The following ADGRG6 variants were observed in gnomAD, a reference collection of about 807,000 sequenced individuals.
ADGRG6 encodes the protein adhesion G protein-coupled receptor G6.
ADGRG6 carries 84 observed loss-of-function variants against 142.4 expected under a neutral mutation model. That is an observed-to-expected ratio of 0.59 (90% CI 0.49 to 0.71). The LOEUF (loss-of-function observed/expected upper bound fraction) is 0.71, where lower values mean the gene tolerates loss of function less well. ADGRG6 is among the 30% of genes least tolerant of loss of function. The pLI, the probability that ADGRG6 is intolerant of heterozygous loss-of-function variation, is 0.00. For synonymous variants in ADGRG6, 521 were observed against 520.5 expected (o/e 1.00, Z -0.01); for missense variants, 1,367 against 1,466.6 (o/e 0.93, Z 1.11).
intron 2 of ADGRG6, among the ~76,000 whole-genome samples, chr6:142,335,058 G>A (rs962180678): frequency 1.3e-5 from 2 of 152,174 alleles, no homozygotes; most frequent in Admixed American, 6.5e-5. Context: ...ACAGGAAAGG[G>A]CTTACACAGA....
intron 4 of ADGRG6, among the ~76,000 whole-genome samples, chr6:142,373,878 TTTC>T (rs1781370440): frequency 6.7e-6 from 1 of 149,094 alleles, no homozygotes; most frequent in Non-Finnish European, 1.5e-5. Context: ...TTCTTTTTCT[TTTC>T]TTTTTTTTTT....
intron 2 of ADGRG6, among the ~76,000 whole-genome samples, chr6:142,329,806 C>A (rs1778952009): frequency 6.6e-6 from 1 of 152,148 alleles, no homozygotes; most frequent in Non-Finnish European, 1.5e-5. Context: ...ATATCTTATT[C>A]TTCTCTAAGT....
At chr6:142,386,516 C>T (rs182412824) in intron 6 of ADGRG6, among the ~76,000 whole-genome samples, 6 of 152,130 alleles carry the variant, frequency 3.9e-5, no homozygotes, top group East Asian at 1.9e-4. Flanking sequence ...GTCTTAGTGG[C>T]GGTGGTGGGT....
chr6:142,431,720 T>G (rs1183581854), intron 22 of ADGRG6, among the ~76,000 whole-genome samples: 1 of 152,034 alleles, frequency 6.6e-6, no homozygotes, highest in Non-Finnish European at 1.5e-5. Context: ...CTCAGGAGTT[T>G]GAGACCAGCC....
chr6:142,393,102 C>A, intron 8 of ADGRG6, 102 bp downstream of exon 8: 1 of 656,662 alleles, frequency 1.5e-6, no homozygotes, highest in Non-Finnish European at 2.7e-6. Context: ...AATACACACA[C>A]ATAGCTACTA....
chr6:142,441,015 C>T (rs1777734339), intron 24 of ADGRG6: 1 of 763,914 alleles, frequency 1.3e-6, no homozygotes, highest in African/African-American at 1.8e-5. Context: ...AGAATATGTG[C>T]ATGGATTAAG....
At chr6:142,405,887 G>C in intron 15 of ADGRG6, 59 bp downstream of exon 15, 1 of 1,276,734 alleles carries the variant, frequency 7.8e-7, no homozygotes, top group South Asian at 1.5e-5. Context: ...TTTGAGCAAA[G>C]AAAACAAAAC....
chr6:142,424,847 A>C (rs538016724), intron 22 of ADGRG6, among the ~76,000 whole-genome samples: 87 of 152,280 alleles, frequency 5.7e-4, no homozygotes, highest in Middle Eastern at 3.4e-3. Flanking sequence ...TGCTCTATAG[A>C]AATTACCTTG....
chr6:142,407,299 T>C (rs1260008237), intron 15 of ADGRG6, among the ~76,000 whole-genome samples: 1 of 151,880 alleles, frequency 6.6e-6, no homozygotes, highest in Non-Finnish European at 1.5e-5. Flanking sequence ...GTGATGGTGT[T>C]TTTTTTTGTG....
intron 13 of ADGRG6, 44 bp downstream of exon 13, chr6:142,402,874 T>C: frequency 1.0e-6 from 1 of 985,206 alleles, no homozygotes; most frequent in Non-Finnish European, 1.5e-6. Flanking sequence ...TATTGGATAA[T>C]GATGTTACAT....
intron 16 of ADGRG6, 78 bp from the exon 17 acceptor site, chr6:142,409,796 G>A (rs999083097): frequency 3.3e-5 from 21 of 631,590 alleles, no homozygotes; most frequent in Admixed American, 6.3e-5. Flanking sequence ...GAAACCCTTC[G>A]TGTTTTTATT....
intron 17 of ADGRG6, among the ~76,000 whole-genome samples, chr6:142,410,709 C>T (rs914555097): frequency 3.3e-5 from 5 of 152,028 alleles, no homozygotes; most frequent in Admixed American, 3.3e-4. Context: ...AAGATCTTTA[C>T]TCATTTACCT....
intron 4 of ADGRG6, among the ~76,000 whole-genome samples, chr6:142,372,228 A>C (rs750644054): frequency 5.3e-5 from 8 of 152,372 alleles, no homozygotes; most frequent in Middle Eastern, 3.4e-3. Flanking sequence ...CAAAAAGTAG[A>C]AGTTTCATTA....
At chr6:142,387,991 C>A (rs1047198915) in intron 6 of ADGRG6, among the ~76,000 whole-genome samples, 1 of 152,154 alleles carries the variant, frequency 6.6e-6, no homozygotes, top group Admixed American at 6.5e-5. Flanking sequence ...GCTTTTAAAA[C>A]ACCGTGAGTG....
intron 2 of ADGRG6, among the ~76,000 whole-genome samples, chr6:142,322,734 T>C (rs1389380937): frequency 1.3e-5 from 2 of 152,138 alleles, no homozygotes; most frequent in Non-Finnish European, 2.9e-5. Context: ...TCAGGAAAGC[T>C]CACTTCATTT....
At chr6:142,337,066 C>G (rs373945590) in intron 2 of ADGRG6, among the ~76,000 whole-genome samples, 1 of 152,208 alleles carries the variant, frequency 6.6e-6, no homozygotes, top group South Asian at 2.1e-4. Flanking sequence ...GGTGCTTCAA[C>G]AGGGGCAGTT....
chr6:142,337,864 A>G (rs1244827198), intron 2 of ADGRG6, among the ~76,000 whole-genome samples: 1 of 151,734 alleles, frequency 6.6e-6, no homozygotes, highest in African/African-American at 2.4e-5. Context: ...GAGTGGGCTA[A>G]CACAGGGGAC....
intron 4 of ADGRG6, among the ~76,000 whole-genome samples, chr6:142,371,613 G>A (rs1224059780): frequency 6.6e-6 from 1 of 151,454 alleles, no homozygotes. Flanking sequence ...AGCCTATCGA[G>A]TAGCTGGGAC....
At chr6:142,344,890 A>G (rs1312774603) in intron 2 of ADGRG6, among the ~76,000 whole-genome samples, 2 of 151,866 alleles carry the variant, frequency 1.3e-5, no homozygotes, top group Admixed American at 6.6e-5. Flanking sequence ...TATTTGAAAA[A>G]TCTCCTCAGA....
Sources: gnomAD v4.1 joint callset for allele counts (sites outside exome capture counted in the v4.1 genomes callset) on GRCh38, gnomAD v4.1.1 for gene constraint, MANE v1.5 for transcripts, NCBI Gene and HGNC (gene_info 2026-07-23, HGNC 2026-07-21) for gene names.